Variants in PIAS3 observed in about 807,000 individuals in gnomAD.
PIAS3 encodes E3 SUMO-protein ligase PIAS3.
Under a neutral mutation model 67.6 loss-of-function variants are expected in PIAS3, and 34 were observed. That is an observed-to-expected ratio of 0.50 (90% confidence interval 0.38 to 0.67). The LOEUF (loss-of-function observed/expected upper bound fraction) is 0.67. Ranked by LOEUF, PIAS3 falls within the 30% of genes least tolerant of loss-of-function variation. PIAS3 has a pLI of 0.00. For missense variants in PIAS3, 693 were observed against 791.6 expected (o/e 0.88, Z 1.49); for synonymous variants, 341 against 313.8 (o/e 1.09, Z -0.92).
intron 1 of PIAS3, 117 bp from the exon 2 acceptor site, chr1:145,857,123 T>C (rs1453190761): frequency 2.3e-6 from 2 of 875,518 alleles, no homozygotes; most frequent in Non-Finnish European, 3.7e-6. Context: ...ATGGGAAAGA[T>C]GATGCTTCGC....
chr1:145,851,680 G>A (rs1336394757), intron 9 of PIAS3, among the ~76,000 whole-genome samples: 4 of 145,652 alleles, frequency 2.7e-5, no homozygotes, highest in East Asian at 2.0e-4. Context: ...AAAAAAAGCC[G>A]GCGTGGTGGC....
chr1:145,855,489 A>AC (rs1407625784), intron 5 of PIAS3, among the ~76,000 whole-genome samples: 1 of 151,962 alleles, frequency 6.6e-6, no homozygotes, highest in Non-Finnish European at 1.5e-5. Context: ...GTCTCAAAAA[A>AC]AAAAAACAAA....
intron 1 of PIAS3, 48 bp from the exon 2 acceptor site, chr1:145,857,054 T>G (rs1653218937): frequency 6.5e-7 from 1 of 1,549,148 alleles, no homozygotes; most frequent in African/African-American, 1.4e-5. Context: ...TGCACAGGCC[T>G]GCCCTGCCAA....
chr1:145,849,742 T>A, intron 13 of PIAS3, 30 bp from the exon 14 acceptor site: 1 of 1,535,156 alleles, frequency 6.5e-7, no homozygotes, highest in Non-Finnish European at 8.8e-7. Flanking sequence ...TAGTTTAAGA[T>A]CTCAATCCCG....
intron 7 of PIAS3, 86 bp downstream of exon 7, chr1:145,854,372 G>C (rs957772486): frequency 2.2e-6 from 2 of 905,452 alleles, no homozygotes; most frequent in Admixed American, 4.0e-5. Flanking sequence ...TGTCAAAAAA[G>C]AGGTATGGGT....
intron 1 of PIAS3, among the ~76,000 whole-genome samples, chr1:145,857,852 T>C (rs1194679479): frequency 2.0e-5 from 3 of 151,960 alleles, no homozygotes; most frequent in African/African-American, 7.3e-5. Flanking sequence ...CGCCCCCCTA[T>C]AGGGGTGGAA....
rs782629052 is a variant in PIAS3 at position 145,856,414 on chromosome 1, G to T, written c.460C>A (p.Arg154=). The T allele has an allele frequency of 2.5e-6, 4 of 1,614,034 alleles. No homozygotes were observed. Among genetic ancestry groups the T allele is most frequent in the Non-Finnish European group, 3.4e-6 (4 of 1,179,926 alleles). ...PTTLASTSSQ[R]FEEAHFTFAL... Reference sequence around the variant, plus strand: ...AAGGTAAAGTGCGCTTCCTCAAACCGCTGGCTAGAAGTGGATGCTGAGGAT... The same window carrying T: ...AAGGTAAAGTGCGCTTCCTCAAACCTCTGGCTAGAAGTGGATGCTGAGGAT... Residue 154 remains arginine, a synonymous_variant, in exon 3 of 14, where the codon CGG becomes AGG. Coordinates refer to ENST00000393045, the MANE Select transcript of PIAS3 (RefSeq NM_006099.3).
rs369992257 is a variant in PIAS3, at chr1:145,850,263, T to C, written c.1589A>G (p.Asp530Gly). ...FPLGADIQGL[D>G]LFSFLQTESQ... ...CTCTGTCTGAAGAAATGAAAATAAA[T>C]CTAAACCTGGCAGGAAAAGAAAAAT... The change falls in exon 13 of 14, where the codon GAT (aspartate) becomes GGT (glycine). Residue 530 changes from aspartate to glycine, a missense_variant. Around this residue, in one of 3 missense-constraint regions of PIAS3, gnomAD observed 270 missense variants for 261.0 expected, o/e 1.03. Transcript: ENST00000393045. The C allele has an allele frequency of 1.9e-6, 3 of 1,614,162 alleles. No homozygotes were observed. In the African/African-American group the frequency reaches 4.0e-5, roughly 22 times the overall value.
chr1:145,855,832 A>C lies in PIAS3; in HGVS notation c.579-6T>G. 3.2e-6 allele frequency: 5 copies of C among 1,539,460 alleles called. No individual in the cohort carries two copies. The highest frequency in any genetic ancestry group is 2.2e-5 in the East Asian group (1 of 44,506). On this transcript the variant is annotated splice_polypyrimidine_tract_variant and splice_region_variant and intron_variant, in intron 4 of 13. Coordinates refer to ENST00000393045, the MANE Select transcript of PIAS3 (RefSeq NM_006099.3). The stretch of plus-strand genomic sequence containing the variant: ...TGGTCTCACAGAGACAGAACCTGGT[A>C]AGAGATGAGAAAGGAAGAAAGAGTG...
Position 145,849,194 on chromosome 1 carries a change from T to C in PIAS3, c.*252A>G, listed in dbSNP as rs1011826081. On this transcript the variant is annotated 3_prime_UTR_variant, in exon 14 of 14. Transcript: ENST00000393045. ...TTGCCTCCCACTGCCTAGGTTAACATACCCAAAGGAATGTGCCACCATCTA... is the reference window on the plus strand; with the variant it reads ...TTGCCTCCCACTGCCTAGGTTAACACACCCAAAGGAATGTGCCACCATCTA... 3 of 342,276 alleles carry C rather than the reference T, an allele frequency of 8.8e-6. No homozygotes were observed. The highest frequency in any genetic ancestry group is 4.9e-5 in the Admixed American group (1 of 20,498). The allele number at this position is 342,276 out of a possible 1,614,324, so 21.2% of individuals were successfully genotyped here.
chr1:145,856,080 T>C lies in PIAS3; in HGVS notation c.566A>G (p.Gln189Arg). ...AGGATGAACTCACCTTAGCTGCACC[T>C]GTATGGTATAATCACATTTGGCTCC... ...LPGAKCDYTI[Q>R]VQLRFCLCET... The change falls in exon 4 of 14, where the codon CAG becomes CGG. Residue 189 changes from glutamine (Q) to arginine (R), a missense_variant. Gln to Arg is a conservative substitution (Grantham distance 43, BLOSUM62 1). Transcript: ENST00000393045. 6.2e-7 allele frequency: 1 copy of C among 1,613,896 alleles called. No individual in the cohort carries two copies. Among genetic ancestry groups the C allele is most frequent in the Non-Finnish European group, 8.5e-7 (1 of 1,179,762 alleles).
rs372992145 is a variant in PIAS3 at position 145,850,603 on chromosome 1, G to A, written c.1449-17C>T. On this transcript the variant is annotated splice_polypyrimidine_tract_variant and intron_variant, in intron 11 of 13. Transcript: ENST00000393045. ...GTCAGGACTCTGTGGGTAGAGAGGA[G>A]CTGAGGCAGCCAGCAAACCACAGAT... The A allele has an allele frequency of 4.8e-5, 77 of 1,611,120 alleles. No homozygotes were observed. The highest frequency in any genetic ancestry group is 4.5e-4 in the South Asian group (41 of 90,972).
rs782807032 is a variant in PIAS3, at chr1:145,856,080, T to G, written c.566A>C (p.Gln189Pro). The G allele has an allele frequency of 1.8e-5, 29 of 1,613,778 alleles. No homozygotes were observed. Among genetic ancestry groups the G allele is most frequent in the Non-Finnish European group, 2.2e-5 (26 of 1,179,770 alleles). ...LPGAKCDYTIQVQLRFCLCET... is the reference protein window; with the variant it reads ...LPGAKCDYTIPVQLRFCLCET... ...AGGATGAACTCACCTTAGCTGCACC[T>G]GTATGGTATAATCACATTTGGCTCC... The change falls in exon 4 of 14, where the codon CAG (glutamine) becomes CCG (proline). Residue 189 changes from glutamine (Q) to proline (P), a missense_variant. By Grantham distance (76) the Gln-to-Pro change is moderately conservative. This residue lies in a region of PIAS3 where 308 missense variants were observed against 348.8 expected (regional missense o/e 0.88). Coordinates refer to ENST00000393045, the MANE Select transcript of PIAS3 (RefSeq NM_006099.3).
Position 145,848,558 on chromosome 1 carries a change from C to T in PIAS3, c.*888G>A. The stretch of plus-strand genomic sequence containing the variant: ...ACCTTTATTATGGGTGAGAGCTTCA[C>T]TACAACTTTAGAAATAAAAAGTAAA... On this transcript the variant is annotated 3_prime_UTR_variant, in exon 14 of 14. Transcript: ENST00000393045. 2 of 985,438 alleles carry T rather than the reference C, an allele frequency of 2.0e-6. No individual in the cohort carries two copies. The highest frequency in any genetic ancestry group is 3.1e-6 in the Non-Finnish European group (2 of 638,938). 61.0% of individuals were successfully genotyped at this position (985,438 alleles called of 1,614,324 possible). A position where few individuals can be genotyped will look rare whatever the true frequency, so the allele number is the denominator to read the frequency against.
intron 5 of PIAS3, among the ~76,000 whole-genome samples, chr1:145,855,233 G>A (rs1653118428): frequency 6.6e-6 from 1 of 152,174 alleles, no homozygotes; most frequent in African/African-American, 2.4e-5. Context: ...TGTAATCCCA[G>A]CACTTTAGGA....
chr1:145,854,484 CGGATACCCT>C lies in PIAS3; in HGVS notation c.875_883del (p.Lys292_Ile294del). On this transcript the variant is annotated inframe_deletion, in exon 7 of 14. Coordinates refer to ENST00000393045, the MANE Select transcript of PIAS3 (RefSeq NM_006099.3). ...CAGTGCCCGCGAGTGGTCTGGGTTC[CGGATACCCT>C]TTGCTCTGAGTTTTTGTAGAAGGGT... 6.2e-7 allele frequency: 1 copy of C among 1,613,762 alleles called. No individual in the cohort carries two copies. Among genetic ancestry groups the C allele is most frequent in the Non-Finnish European group, 8.5e-7 (1 of 1,179,708 alleles).
Position 145,850,544 on chromosome 1 carries a change from G to T in PIAS3, c.1491C>A (p.Ser497Arg). The change falls in exon 12 of 14, where the codon AGC becomes AGA. Residue 497 changes from serine (S) to arginine (R), a missense_variant. Around this residue, in one of 3 missense-constraint regions of PIAS3, gnomAD observed 270 missense variants for 261.0 expected, o/e 1.03. Coordinates refer to ENST00000393045, the MANE Select transcript of PIAS3 (RefSeq NM_006099.3). The stretch of plus-strand genomic sequence containing the variant: ...CCCCACCCAACGTGCCCATAGCAGG[G>T]CTCCTTAGCACCGAGGATGGCTGGT... ...SGHQPSSVLR[S>R]PAMGTLGGDF... The T allele has an allele frequency of 6.2e-7, 1 of 1,614,238 alleles. No individual in the cohort carries two copies. Among genetic ancestry groups the T allele is most frequent in the Non-Finnish European group, 8.5e-7 (1 of 1,180,032 alleles).
intron 4 of PIAS3, 78 bp from the exon 5 acceptor site, chr1:145,855,904 A>G: frequency 2.7e-6 from 3 of 1,125,324 alleles, no homozygotes; most frequent in Admixed American, 3.4e-5. Flanking sequence ...AGGGAACCCC[A>G]GAAAATCAGT....
At position 145,849,728 on chromosome 1, in the gene PIAS3, G is replaced by A. The variant is rs782510376; in HGVS notation, c.1621-16C>T. On this transcript the variant is annotated splice_polypyrimidine_tract_variant and intron_variant, in intron 13 of 13. Coordinates refer to ENST00000393045, the MANE Select transcript of PIAS3 (RefSeq NM_006099.3). ...GGCCATAGTGCTAGGAAGAATCAAG[G>A]GCATAGTTTAAGATCTCAATCCCGA... 7 of 1,561,068 alleles carry A rather than the reference G, an allele frequency of 4.5e-6. No homozygotes were observed. Among genetic ancestry groups the A allele is most frequent in the Non-Finnish European group, 6.1e-6 (7 of 1,153,738 alleles).
Sources: allele counts gnomAD v4.1 joint callset (sites outside exome capture counted in the v4.1 genomes callset), GRCh38; gene constraint gnomAD v4.1.1; regional missense constraint gnomAD v4.1.1; transcripts MANE v1.5; gene names NCBI Gene and HGNC (gene_info 2026-07-23, HGNC 2026-07-21).